UVRAG: variants seen among roughly 807,000 people sequenced by gnomAD.
UVRAG encodes the protein UV radiation resistance-associated gene protein.
In UVRAG, 19 loss-of-function variants were observed where a neutral mutation model predicts 78.0. The ratio of observed to expected loss-of-function variants is 0.24; its 90% CI spans 0.17 to 0.36. The LOEUF is 0.36. Among genes scored for constraint, UVRAG ranks in the 10% least tolerant of loss-of-function variants. The pLI is 1.00. For synonymous variants in UVRAG, 323 were observed against 324.6 expected, an observed-to-expected ratio of 1.00 and a Z score of 0.05; for missense variants, 740 against 853.8, an observed-to-expected ratio of 0.87 and a Z score of 1.66.
intron 14 of UVRAG, 40 bp downstream of exon 14, chr11:76,116,055 G>A (rs1438034697): frequency 6.3e-7 from 1 of 1,580,688 alleles, no homozygotes; most frequent in East Asian, 2.2e-5. Flanking sequence ...ACTGTAATGT[G>A]GATAGGATCC....
At chr11:76,103,048 C>G (rs1951905152) in intron 13 of UVRAG, among the ~76,000 whole-genome samples, 1 of 152,182 alleles carries the variant, frequency 6.6e-6, no homozygotes, top group Admixed American at 6.5e-5. Flanking sequence ...AGGGGCCACT[C>G]TTTGCTACTA....
At chr11:76,094,116 CAT>C (rs1338905332) in intron 13 of UVRAG, among the ~76,000 whole-genome samples, 5 of 152,146 alleles carry the variant, frequency 3.3e-5, no homozygotes, top group Non-Finnish European at 7.3e-5. Flanking sequence ...TTGAGATAAT[CAT>C]GTGGTTTTTG....
intron 5 of UVRAG, among the ~76,000 whole-genome samples, chr11:75,897,826 T>A (rs1947377409): frequency 6.6e-6 from 1 of 150,520 alleles, no homozygotes. Flanking sequence ...CTGCTATAAT[T>A]TATTTATCTC....
chr11:75,866,572 A>G (rs1410209937), intron 3 of UVRAG, among the ~76,000 whole-genome samples: 4 of 151,768 alleles, frequency 2.6e-5, no homozygotes, highest in Non-Finnish European at 2.9e-5. Context: ...AGCAACAAAA[A>G]CTAAATAAAA....
chr11:76,042,766 C>T (rs967322496), intron 12 of UVRAG, among the ~76,000 whole-genome samples: 4 of 152,194 alleles, frequency 2.6e-5, no homozygotes, highest in African/African-American at 9.7e-5. Flanking sequence ...TTTGCCCTTA[C>T]CTATCTGTAT....
intron 1 of UVRAG, among the ~76,000 whole-genome samples, chr11:75,821,627 C>T (rs1478263468): frequency 8.5e-5 from 13 of 152,146 alleles, no homozygotes; most frequent in African/African-American, 3.1e-4. Flanking sequence ...TGAGCCACCA[C>T]ACCCAGCCAA....
intron 13 of UVRAG, among the ~76,000 whole-genome samples, chr11:76,076,932 A>G (rs1395568827): frequency 2.0e-5 from 3 of 150,396 alleles, no homozygotes; most frequent in African/African-American, 7.3e-5. Flanking sequence ...TGGGAAAATC[A>G]CCTGAGTCCA....
chr11:75,974,973 A>G (rs1351153713), intron 7 of UVRAG, among the ~76,000 whole-genome samples: 4 of 152,066 alleles, frequency 2.6e-5, no homozygotes, highest in Non-Finnish European at 5.9e-5. Flanking sequence ...CCTGAATGGT[A>G]TTGCCTAGGT....
chr11:75,818,706 T>G (rs907859232), intron 1 of UVRAG, among the ~76,000 whole-genome samples: 1 of 152,174 alleles, frequency 6.6e-6, no homozygotes, highest in Admixed American at 6.5e-5. Flanking sequence ...CTGGAACCCC[T>G]GTCCTTGTGA....
intron 5 of UVRAG, among the ~76,000 whole-genome samples, chr11:75,898,277 G>A (rs1166965998): frequency 6.6e-6 from 1 of 152,180 alleles, no homozygotes; most frequent in Non-Finnish European, 1.5e-5. Context: ...AAAAGAAATT[G>A]AGTCACAGAG....
chr11:76,124,815 T>A (rs905098624), intron 14 of UVRAG, among the ~76,000 whole-genome samples: 2 of 152,216 alleles, frequency 1.3e-5, no homozygotes, highest in Non-Finnish European at 2.9e-5. Context: ...AATAAAAGTA[T>A]TAGAAGAAGA....
At chr11:76,109,838 G>A (rs994827707) in intron 13 of UVRAG, among the ~76,000 whole-genome samples, 1 of 152,206 alleles carries the variant, frequency 6.6e-6, no homozygotes, top group African/African-American at 2.4e-5. Flanking sequence ...TTAAAAGTTT[G>A]CCCAAGCAAG....
rs1287849655 is a variant in UVRAG at position 75,877,386 on chromosome 11, T to C, written c.271-2493T>C. Among the ~76,000 whole-genome samples, 541 of 151,922 alleles carry C rather than the reference T, an allele frequency of 3.6e-3. 1 individual carries two copies. Among genetic ancestry groups the C allele is most frequent in the African/African-American group, 0.012 (491 of 41,446 alleles). ...TGGGCACACCTCCCAGACGGGGTGG[T>C]GGCTGGGCAGAGGGGCTCCTCACTT... On this transcript the variant is annotated intron_variant, in intron 3 of 14. Transcript: ENST00000356136.
At chr11:75,885,315 T>G (rs561201844) in intron 4 of UVRAG, among the ~76,000 whole-genome samples, 1 of 152,222 alleles carries the variant, frequency 6.6e-6, no homozygotes, top group African/African-American at 2.4e-5. Flanking sequence ...TTCTTGTGCT[T>G]AGTTTAAGTG....
chr11:75,979,481 T>G, intron 7 of UVRAG: 1 of 152,202 alleles, frequency 6.6e-6, no homozygotes, highest in Non-Finnish European at 1.5e-5. Context: ...AGAGGTGGAG[T>G]CTACAGAGGC....
At chr11:75,837,508 T>G (rs1036519675) in intron 1 of UVRAG, 1 of 152,220 alleles carries the variant, frequency 6.6e-6, no homozygotes, top group Non-Finnish European at 1.5e-5. Flanking sequence ...AGTTTTTTTG[T>G]ACTTTTTAAA....
intron 14 of UVRAG, among the ~76,000 whole-genome samples, chr11:76,124,913 A>G (rs1336911430): frequency 6.6e-6 from 1 of 152,244 alleles, no homozygotes; most frequent in Non-Finnish European, 1.5e-5. Context: ...GAGCCAATCT[A>G]CTTTCCTTAA....
intron 13 of UVRAG, among the ~76,000 whole-genome samples, chr11:76,076,590 G>A (rs531552103): frequency 2.6e-5 from 4 of 152,164 alleles, no homozygotes; most frequent in Middle Eastern, 6.8e-3. Context: ...CAGCCAAACG[G>A]TATCAGGTTC....
chr11:75,817,863 C>G (rs1052047244), intron 1 of UVRAG, among the ~76,000 whole-genome samples: 2 of 148,546 alleles, frequency 1.3e-5, no homozygotes, highest in African/African-American at 5.0e-5. Flanking sequence ...GGCCAACATG[C>G]TGAAACCCTG....
Sources: gnomAD v4.1 joint callset for allele counts (sites outside exome capture counted in the v4.1 genomes callset) on GRCh38, gnomAD v4.1.1 for gene constraint, MANE v1.5 for transcripts, NCBI Gene and HGNC (gene_info 2026-07-23, HGNC 2026-07-21) for gene names.